Variants in PTPRD observed in about 807,000 individuals in gnomAD.
PTPRD encodes the protein protein tyrosine phosphatase receptor type D.
A neutral mutation model predicts 214.5 loss-of-function variants in PTPRD; 34 were observed. The ratio of observed to expected loss-of-function variants is 0.16; its 90% CI spans 0.12 to 0.21. The LOEUF (loss-of-function observed/expected upper bound fraction) is 0.21, where lower values mean the gene tolerates loss of function less well. PTPRD is among the 10% of genes least tolerant of loss of function. PTPRD has a pLI of 1.00. For missense variants in PTPRD, 2,545 were observed against 2,398.7 expected (o/e 1.06, Z -1.27); for synonymous variants, 1,128 against 845.7 (o/e 1.33, Z -5.79).
At chr9:8,972,725 A>C (rs56287263) in intron 11 of PTPRD, among the ~76,000 whole-genome samples, 6,316 of 152,034 alleles carry the variant, frequency 0.042, 432 homozygotes, top group African/African-American at 0.14. Context: ...AAAACTTCCT[A>C]GTGATGCTTA....
chr9:9,921,155 C>G (rs2082428985), intron 5 of PTPRD, among the ~76,000 whole-genome samples: 1 of 152,036 alleles, frequency 6.6e-6, no homozygotes, highest in African/African-American at 2.4e-5. Flanking sequence ...TTGCAAAGCA[C>G]TTTGCTGTTA....
chr9:9,752,123 T>A (rs1213548507), intron 6 of PTPRD, among the ~76,000 whole-genome samples: 1 of 152,104 alleles, frequency 6.6e-6, no homozygotes, highest in East Asian at 1.9e-4. Context: ...GTGTGCTAAT[T>A]GTTTCAATCC....
chr9:8,568,644 TAGAC>T (rs947025918), intron 14 of PTPRD, among the ~76,000 whole-genome samples: 2 of 152,174 alleles, frequency 1.3e-5, no homozygotes, highest in African/African-American at 4.8e-5. Flanking sequence ...ATATCACTAT[TAGAC>T]AGCCTAGATT....
chr9:10,502,908 T>C lies in PTPRD; in HGVS notation c.-600+109490A>G, dbSNP rs376784090. Reference sequence around the variant, plus strand: ...AAACATTCTAACATATTGATAGCAATCCCTCTAAAACATACATAGCAGAAA... The same window carrying C: ...AAACATTCTAACATATTGATAGCAACCCCTCTAAAACATACATAGCAGAAA... On this transcript the variant is annotated intron_variant, in intron 2 of 45. Transcript: ENST00000381196. 1.6e-4 allele frequency among the ~76,000 whole-genome samples: 25 copies of C among 152,166 alleles called. No homozygotes were observed. The East Asian group carries it at 4.3e-3, about 26-fold the overall frequency.
chr9:9,667,157 T>C (rs1050284329), intron 7 of PTPRD, among the ~76,000 whole-genome samples: 2 of 152,098 alleles, frequency 1.3e-5, no homozygotes, highest in African/African-American at 2.4e-5. Context: ...TGATTACTCA[T>C]GGCTGTGACC....
intron 11 of PTPRD, among the ~76,000 whole-genome samples, chr9:8,918,579 G>A (rs2154267335): frequency 6.6e-6 from 1 of 152,276 alleles, no homozygotes; most frequent in Non-Finnish European, 1.5e-5. Context: ...GCGTGTGTGT[G>A]TATGTGTGTA....
At chr9:10,052,465 CT>C (rs61625629) in intron 3 of PTPRD, among the ~76,000 whole-genome samples, 2,841 of 152,206 alleles carry the variant, frequency 0.019, 83 homozygotes, top group East Asian at 0.095. Context: ...AGAAACCTGC[CT>C]TTAAGGTAAA....
intron 11 of PTPRD, among the ~76,000 whole-genome samples, chr9:9,007,803 T>C (rs1290669068): frequency 1.3e-5 from 2 of 150,228 alleles, no homozygotes; most frequent in East Asian, 3.9e-4. Context: ...TTTCTTTCTT[T>C]TTTTTTTTAC....
At chr9:10,356,756 A>C (rs2097286592) in intron 2 of PTPRD, among the ~76,000 whole-genome samples, 2 of 151,780 alleles carry the variant, frequency 1.3e-5, no homozygotes. Context: ...TTCAGCTTAC[A>C]GAAACCTCTG....
chr9:8,658,653 T>A (rs74795840), intron 12 of PTPRD, among the ~76,000 whole-genome samples: 13,169 of 144,552 alleles, frequency 0.091, 704 homozygotes, highest in East Asian at 0.18. Context: ...GTGCAGCATC[T>A]AGATAAAAGC....
At chr9:9,222,729 G>A (rs1483579672) in intron 9 of PTPRD, among the ~76,000 whole-genome samples, 2 of 151,976 alleles carry the variant, frequency 1.3e-5, no homozygotes, top group East Asian at 3.9e-4. Flanking sequence ...GGAGATCACT[G>A]AAAATATCAA....
chr9:10,339,781 G>A (rs1167035092), intron 3 of PTPRD, among the ~76,000 whole-genome samples: 1 of 151,636 alleles, frequency 6.6e-6, no homozygotes, highest in African/African-American at 2.4e-5. Flanking sequence ...TTGCTCTGAT[G>A]ATAGCAATGT....
intron 9 of PTPRD, among the ~76,000 whole-genome samples, chr9:9,271,436 T>C (rs922196988): frequency 6.6e-6 from 1 of 151,382 alleles, no homozygotes; most frequent in African/African-American, 2.4e-5. Flanking sequence ...ATTCCTGTTA[T>C]GTTGCATCTG....
intron 7 of PTPRD, among the ~76,000 whole-genome samples, chr9:9,601,705 G>T (rs2093782589): frequency 2.0e-5 from 3 of 152,018 alleles, no homozygotes; most frequent in South Asian, 2.1e-4. Context: ...CTGTGTATAA[G>T]AACTGTTCTA....
At chr9:9,073,667 A>T (rs1215447906) in intron 10 of PTPRD, among the ~76,000 whole-genome samples, 2 of 152,162 alleles carry the variant, frequency 1.3e-5, no homozygotes, top group Non-Finnish European at 2.9e-5. Context: ...CTGCACCTCC[A>T]GCCTGTCGGC....
intron 10 of PTPRD, among the ~76,000 whole-genome samples, chr9:9,128,109 C>T (rs957864003): frequency 6.6e-6 from 1 of 152,050 alleles, no homozygotes; most frequent in African/African-American, 2.4e-5. Flanking sequence ...TAGTTGAGGC[C>T]AGATGGTTTT....
chr9:8,631,549 A>G (rs1382017895), intron 14 of PTPRD, among the ~76,000 whole-genome samples: 1 of 151,784 alleles, frequency 6.6e-6, no homozygotes, highest in Non-Finnish European at 1.5e-5. Flanking sequence ...TGCACACTCT[A>G]TGGGACTCAC....
chr9:10,500,698 C>T lies in PTPRD; in HGVS notation c.-600+111700G>A, dbSNP rs187244082. Among the ~76,000 whole-genome samples, 315 of 151,908 alleles carry T rather than the reference C, an allele frequency of 2.1e-3. 2 individuals carry two copies. Among genetic ancestry groups the T allele is most frequent in the African/African-American group, 7.3e-3 (303 of 41,500 alleles). On this transcript the variant is annotated intron_variant, in intron 2 of 45. Coordinates refer to ENST00000381196, the MANE Select transcript of PTPRD (RefSeq NM_002839.4). ...CATTCCAACTTCCCCCCAACCCCTC[C>T]CCAACTACCCTTCCCAGACTCTTGT... is the stretch of plus-strand genomic sequence containing the variant.
rs140375659 is a variant in PTPRD, at chr9:9,250,147, T to C, written c.-202-66784A>G. ...TCGCATACATACATTCTTTAATATA[T>C]GGCCACAATGTTGAGTTGACATCCT... On this transcript the variant is annotated intron_variant, in intron 9 of 45. Coordinates refer to ENST00000381196, the MANE Select transcript of PTPRD (RefSeq NM_002839.4). 6.8e-3 allele frequency among the ~76,000 whole-genome samples: 1,033 copies of C among 152,150 alleles called. 11 individuals carry two copies. The highest frequency in any genetic ancestry group is 0.023 in the African/African-American group (962 of 41,548).
Sources: allele counts gnomAD v4.1 joint callset (sites outside exome capture counted in the v4.1 genomes callset), GRCh38; gene constraint gnomAD v4.1.1; transcripts MANE v1.5; gene names NCBI Gene and HGNC (gene_info 2026-07-23, HGNC 2026-07-21).